GMDS: variants seen among roughly 807,000 people sequenced by gnomAD.
The protein encoded by GMDS is GDP-mannose 4,6-dehydratase.
A neutral mutation model predicts 49.9 loss-of-function variants in GMDS; 20 were observed. The observed-to-expected ratio is 0.40, with a 90% confidence interval of 0.28 to 0.58. GMDS has a LOEUF of 0.58. Among genes scored for constraint, GMDS ranks in the 20% least tolerant of loss-of-function variants. The pLI is 0.42. For synonymous variants in GMDS, 177 were observed against 178.6 expected, an observed-to-expected ratio of 0.99 and a Z score of 0.07; for missense variants, 362 against 481.4, an observed-to-expected ratio of 0.75 and a Z score of 2.32.
intron 1 of GMDS, among the ~76,000 whole-genome samples, chr6:2,159,247 C>T (rs935524088): frequency 6.6e-6 from 1 of 152,150 alleles, no homozygotes; most frequent in African/African-American, 2.4e-5. Flanking sequence ...TACCGACCTC[C>T]TGTGCAGTCA....
rs1779019854 is a variant in GMDS, at chr6:2,191,569, C to G, written c.102+53752G>C. 1.3e-5 allele frequency among the ~76,000 whole-genome samples: 2 copies of G among 152,206 alleles called. No homozygotes were observed. Among genetic ancestry groups the G allele is most frequent in the Non-Finnish European group, 2.9e-5 (2 of 68,016 alleles). On this transcript the variant is annotated intron_variant, in intron 1 of 10. Transcript: ENST00000380815. This position sits in a 1 kb window ranked among gnomAD's most constrained non-coding sequence, Gnocchi z 4.6. ...GCTCGGAGGTGCCTACCTCCACTGT[C>G]TGGCCTCTCCCCGCTCCAGGCACCT...
chr6:2,210,226 T>C (rs1780003219), intron 1 of GMDS, among the ~76,000 whole-genome samples: 1 of 152,160 alleles, frequency 6.6e-6, no homozygotes, highest in African/African-American at 2.4e-5. Context: ...GCATCCCAGG[T>C]CCACCACACA....
At chr6:1,921,884 A>AT (rs1305114073) in intron 7 of GMDS, among the ~76,000 whole-genome samples, 2 of 152,210 alleles carry the variant, frequency 1.3e-5, no homozygotes, top group African/African-American at 2.4e-5. Context: ...AGGCTAGAAG[A>AT]TTTTTTCCCA....
chr6:2,087,937 T>C (rs1773105378), intron 4 of GMDS, among the ~76,000 whole-genome samples: 1 of 152,216 alleles, frequency 6.6e-6, no homozygotes, highest in Non-Finnish European at 1.5e-5. Flanking sequence ...ATTTTGTTTA[T>C]GCCAAGTAGG....
intron 7 of GMDS, among the ~76,000 whole-genome samples, chr6:1,811,673 C>T (rs1026075924): frequency 1.3e-5 from 2 of 150,752 alleles, no homozygotes; most frequent in African/African-American, 4.9e-5. Flanking sequence ...GCACAACCTT[C>T]GTGCCTCACT....
intron 1 of GMDS, among the ~76,000 whole-genome samples, chr6:2,157,835 G>T (rs1331747815): frequency 6.6e-6 from 1 of 152,178 alleles, no homozygotes; most frequent in Non-Finnish European, 1.5e-5. Flanking sequence ...CTAAACTAAT[G>T]CTGGCACTGT....
intron 4 of GMDS, among the ~76,000 whole-genome samples, chr6:2,080,046 C>T (rs1048802090): frequency 3.3e-5 from 5 of 152,056 alleles, no homozygotes; most frequent in African/African-American, 1.2e-4. Context: ...TTTTGAAAGA[C>T]CTGTCTTCTG....
chr6:1,693,991 G>A (rs1444508743), intron 9 of GMDS, among the ~76,000 whole-genome samples: 1 of 152,142 alleles, frequency 6.6e-6, no homozygotes, highest in African/African-American at 2.4e-5. Context: ...CAGGTGACAG[G>A]GCTGAGTTGA....
rs557755443 is a variant in GMDS, at chr6:2,178,715, A to G, written c.103-53984T>C. On this transcript the variant is annotated intron_variant, in intron 1 of 10. Coordinates refer to ENST00000380815, the MANE Select transcript of GMDS (RefSeq NM_001500.4). Reference sequence around the variant, plus strand: ...ACACACCTGTGTATGTACTCCATGAATCTAAAATAAAAGTTTAAATCAAGA... The same window carrying G: ...ACACACCTGTGTATGTACTCCATGAGTCTAAAATAAAAGTTTAAATCAAGA... 2.0e-5 allele frequency among the ~76,000 whole-genome samples: 3 copies of G among 152,346 alleles called. No individual in the cohort carries two copies. The South Asian group carries it at 6.2e-4, about 32-fold the overall frequency.
At chr6:1,743,801 C>A (rs1767380521) in intron 7 of GMDS, among the ~76,000 whole-genome samples, 1 of 149,142 alleles carries the variant, frequency 6.7e-6, no homozygotes. Context: ...AGCAGGAATC[C>A]AACAGGAATA....
At chr6:1,708,327 C>T (rs554025657) in intron 9 of GMDS, among the ~76,000 whole-genome samples, 54 of 152,318 alleles carry the variant, frequency 3.5e-4, no homozygotes, top group Middle Eastern at 3.4e-3. Flanking sequence ...CAGCAGGCAG[C>T]GAAGCGTGTT....
At chr6:2,226,690 A>G (rs1287410825) in intron 1 of GMDS, among the ~76,000 whole-genome samples, 1 of 152,214 alleles carries the variant, frequency 6.6e-6, no homozygotes, top group Non-Finnish European at 1.5e-5. Context: ...ACTAGCATTT[A>G]CTCTCCTAAA....
intron 7 of GMDS, among the ~76,000 whole-genome samples, chr6:1,892,337 C>A (rs1361076147): frequency 2.0e-5 from 3 of 152,006 alleles, no homozygotes; most frequent in Admixed American, 6.6e-5. Context: ...TTACCAAAAC[C>A]CACTACCATA....
intron 1 of GMDS, among the ~76,000 whole-genome samples, chr6:2,198,750 C>T (rs931528749): frequency 1.3e-5 from 2 of 152,122 alleles, no homozygotes; most frequent in Non-Finnish European, 2.9e-5. Flanking sequence ...TCAACAAGTT[C>T]AAGAAAAACT....
intron 7 of GMDS, among the ~76,000 whole-genome samples, chr6:1,794,483 A>G (rs187424836): frequency 6.6e-6 from 1 of 152,340 alleles, no homozygotes; most frequent in African/African-American, 2.4e-5. Flanking sequence ...AAACCATGGA[A>G]TGTTCTATGT....
chr6:1,855,951 A>T (rs1381156834), intron 7 of GMDS, among the ~76,000 whole-genome samples: 2 of 152,190 alleles, frequency 1.3e-5, no homozygotes, highest in Non-Finnish European at 2.9e-5. Flanking sequence ...GACAAATTGG[A>T]TTTATAAATA....
chr6:1,835,781 C>T (rs887949577), intron 7 of GMDS, among the ~76,000 whole-genome samples: 2 of 152,118 alleles, frequency 1.3e-5, no homozygotes, highest in African/African-American at 4.8e-5. Context: ...CAAAAAATAA[C>T]TGTTAAATCA....
intron 4 of GMDS, among the ~76,000 whole-genome samples, chr6:1,997,211 T>C (rs1766336716): frequency 6.6e-6 from 1 of 152,034 alleles, no homozygotes; most frequent in South Asian, 2.1e-4. Flanking sequence ...GATGGTTTTC[T>C]TGAGAAAGTG....
intron 9 of GMDS, among the ~76,000 whole-genome samples, chr6:1,704,302 G>A (rs1251738907): frequency 1.3e-5 from 2 of 151,620 alleles, no homozygotes; most frequent in South Asian, 4.2e-4. Flanking sequence ...GGGTGGGTGT[G>A]GGGGTAAGGC....
Sources: gnomAD v4.1 joint callset for allele counts (sites outside exome capture counted in the v4.1 genomes callset) on GRCh38, gnomAD v4.1.1 for gene constraint, Gnocchi (gnomAD v3.1) non-coding constraint, MANE v1.5 for transcripts, NCBI Gene and HGNC (gene_info 2026-07-23, HGNC 2026-07-21) for gene names.